Variants in MBD2 observed in about 807,000 individuals in gnomAD.
The protein encoded by MBD2 is methyl-CpG-binding domain protein 2.
A neutral mutation model predicts 39.3 loss-of-function variants in MBD2; 9 were observed. The ratio of observed to expected loss-of-function variants is 0.23; its 90% CI spans 0.14 to 0.40. MBD2 has a LOEUF of 0.40. Among genes scored for constraint, MBD2 ranks in the 10% least tolerant of loss-of-function variants. The pLI is 1.00. For missense variants in MBD2, 458 were observed against 532.6 expected, an observed-to-expected ratio of 0.86 and a Z score of 1.38; for synonymous variants, 233 against 211.1, an observed-to-expected ratio of 1.10 and a Z score of -0.90.
chr18:54,214,781 C>T (rs549592583), intron 1 of MBD2, among the ~76,000 whole-genome samples: 5 of 150,184 alleles, frequency 3.3e-5, no homozygotes, highest in African/African-American at 4.9e-5. Flanking sequence ...GCTCTGTCGC[C>T]GAGGCTGGAG....
At chr18:54,220,989 G>T (rs2086606854) in intron 1 of MBD2, among the ~76,000 whole-genome samples, 1 of 152,158 alleles carries the variant, frequency 6.6e-6, no homozygotes, top group African/African-American at 2.4e-5. Context: ...GGCCCTGAAT[G>T]AAACAGGTTT....
Position 54,224,255 on chromosome 18 carries a change from C to G in MBD2, c.305G>C (p.Ser102Thr), listed in dbSNP as rs1398014663. The G allele has an allele frequency of 2.5e-4, 246 of 972,380 alleles. No homozygotes were observed. Among genetic ancestry groups the G allele is most frequent in the Non-Finnish European group, 3.0e-4 (242 of 819,692 alleles). The allele number at this position is 972,380 out of a possible 1,614,324, so 60.2% of individuals were successfully genotyped here. Reference sequence around the variant, plus strand: ...GCCGCCGCCGTCGCCGCCAAGGCCGCTGCCGCCACTCGGGGGACGGCCGCG... The same window carrying G: ...GCCGCCGCCGTCGCCGCCAAGGCCGGTGCCGCCACTCGGGGGACGGCCGCG... Reference protein sequence around the residue: ...RGRGRPPSGGSGLGGDGGGCG... With the variant: ...RGRGRPPSGGTGLGGDGGGCG... The change falls in exon 1 of 7, where the codon AGC becomes ACC. Residue 102 changes from serine to threonine, a missense_variant. By Grantham distance (58) the Ser-to-Thr change is moderately conservative. Coordinates refer to ENST00000256429, the MANE Select transcript of MBD2 (RefSeq NM_003927.5).
At chr18:54,160,975 GA>G (rs35601988) in intron 5 of MBD2, among the ~76,000 whole-genome samples, 260 of 147,402 alleles carry the variant, frequency 1.8e-3, no homozygotes, top group African/African-American at 6.1e-3. Flanking sequence ...GGGTTCTACT[GA>G]AAAAAAAAAA....
At chr18:54,202,901 G>T in intron 2 of MBD2, 1 of 1,140,884 alleles carries the variant, frequency 8.8e-7, no homozygotes, top group Non-Finnish European at 1.3e-6. Flanking sequence ...AAGCATTATG[G>T]AGGAAAGGAT....
chr18:54,168,572 C>CATATATATATATATATATAT lies in MBD2; in HGVS notation c.841-2426_841-2407dup, dbSNP rs56174434. The stretch of plus-strand genomic sequence containing the variant: ...TTGTTATGCCATGAAAATGGAGATA[C>CATATATATATATATATATAT]ATATATATATATATATATATATATA... On this transcript the variant is annotated intron_variant, in intron 3 of 6. Transcript: ENST00000256429. 1.6e-3 allele frequency among the ~76,000 whole-genome samples: 188 copies of CATATATATATATATATATAT among 114,838 alleles called. 4 individuals carry two copies. The highest frequency in any genetic ancestry group is 3.0e-3 in the African/African-American group (80 of 26,406). 75.3% of individuals were successfully genotyped at this position (114,838 alleles called of 152,430 possible).
chr18:54,200,038 T>G (rs1383739750), intron 2 of MBD2, among the ~76,000 whole-genome samples: 3 of 152,166 alleles, frequency 2.0e-5, no homozygotes, highest in African/African-American at 4.8e-5. Context: ...AATCCAAGTG[T>G]GTATTTATAC....
intron 2 of MBD2, among the ~76,000 whole-genome samples, chr18:54,203,768 G>A (rs1357333053): frequency 6.6e-6 from 1 of 152,154 alleles, no homozygotes; most frequent in Admixed American, 6.5e-5. Flanking sequence ...AGTTTCCAAT[G>A]CAGGCCACCA....
At chr18:54,158,963 A>G (rs1388029754) in intron 6 of MBD2, among the ~76,000 whole-genome samples, 1 of 152,176 alleles carries the variant, frequency 6.6e-6, no homozygotes, top group Non-Finnish European at 1.5e-5. Flanking sequence ...AGTATTTATT[A>G]TACTTTTTAG....
intron 2 of MBD2, among the ~76,000 whole-genome samples, chr18:54,193,798 G>A (rs1042567808): frequency 3.9e-5 from 6 of 152,096 alleles, no homozygotes; most frequent in South Asian, 2.1e-4. Flanking sequence ...AAAGGAGGAC[G>A]CATACCAAGT....
At chr18:54,207,309 C>T (rs1052513113) in intron 1 of MBD2, among the ~76,000 whole-genome samples, 2 of 152,156 alleles carry the variant, frequency 1.3e-5, no homozygotes, top group Non-Finnish European at 2.9e-5. Context: ...CTATTAAATC[C>T]TCCAAGCCCA....
chr18:54,163,188 C>A (rs1335743226), intron 5 of MBD2, among the ~76,000 whole-genome samples: 1 of 152,168 alleles, frequency 6.6e-6, no homozygotes, highest in Non-Finnish European at 1.5e-5. Context: ...AGGAGAATTG[C>A]TTGAACCCGG....
chr18:54,181,055 G>C (rs903399760), intron 3 of MBD2, among the ~76,000 whole-genome samples: 2 of 151,704 alleles, frequency 1.3e-5, no homozygotes, highest in East Asian at 3.9e-4. Context: ...CACCATGCTC[G>C]GCTAATTTTT....
In MBD2 at chr18:54,224,207, C is replaced by T. The variant is rs1599118444; in HGVS notation, c.353G>A (p.Gly118Asp). ...GGGCGGGGSG[G>D]GGAPRREPVP... is the part of the protein sequence containing the mutation. ...CGGCTCCCGCCGGGGGGCGCCGCCG[C>T]CACCGCTGCCGCCGCCGCCGCAGCC... is the stretch of plus-strand genomic sequence containing the variant. Residue 118 changes from glycine to aspartate, a missense_variant, in exon 1 of 7, where the codon GGC becomes GAC. By Grantham distance (94) the Gly-to-Asp change is moderately conservative (BLOSUM62 -1). Coordinates refer to ENST00000256429, the MANE Select transcript of MBD2 (RefSeq NM_003927.5). 8.5e-7 allele frequency: 1 copy of T among 1,174,570 alleles called. No individual in the cohort carries two copies. Among genetic ancestry groups the T allele is most frequent in the Non-Finnish European group, 1.0e-6 (1 of 952,924 alleles). The allele number at this position is 1,174,570 out of a possible 1,614,324, so 72.8% of individuals were successfully genotyped here.
At chr18:54,164,446 A>T in intron 5 of MBD2, 77 bp downstream of exon 5, 2 of 1,329,064 alleles carry the variant, frequency 1.5e-6, no homozygotes, top group South Asian at 2.6e-5. Flanking sequence ...TAGATATGCC[A>T]CTGAACCTAA....
intron 2 of MBD2, among the ~76,000 whole-genome samples, chr18:54,197,420 CATG>C (rs530105987): frequency 2.6e-5 from 4 of 152,228 alleles, no homozygotes; most frequent in Admixed American, 6.5e-5. Context: ...TTTGTCTTCA[CATG>C]ATGAGTGCAT....
At chr18:54,161,391 GT>G (rs2144278003) in intron 5 of MBD2, among the ~76,000 whole-genome samples, 1 of 152,296 alleles carries the variant, frequency 6.6e-6, no homozygotes, top group South Asian at 2.1e-4. Flanking sequence ...AGATTTTCAT[GT>G]CATGGGGCAG....
At chr18:54,182,932 C>CAA (rs113293437) in intron 3 of MBD2, among the ~76,000 whole-genome samples, 1 of 133,182 alleles carries the variant, frequency 7.5e-6, no homozygotes. Flanking sequence ...TCCCTGTCTC[C>CAA]AAAAAAAAAA....
intron 1 of MBD2, 59 bp from the exon 2 acceptor site, chr18:54,205,216 T>A: frequency 7.1e-7 from 1 of 1,409,770 alleles, no homozygotes; most frequent in Non-Finnish European, 9.8e-7. Flanking sequence ...ATAAGCCTTT[T>A]CTTCATGTCT....
At chr18:54,162,995 G>A (rs1437310581) in intron 5 of MBD2, among the ~76,000 whole-genome samples, 1 of 152,080 alleles carries the variant, frequency 6.6e-6, no homozygotes, top group Non-Finnish European at 1.5e-5. Context: ...GCTGGGCGTG[G>A]TGGCTCACAC....
Sources: allele counts gnomAD v4.1 joint callset (sites outside exome capture counted in the v4.1 genomes callset), GRCh38; gene constraint gnomAD v4.1.1; transcripts MANE v1.5; gene names NCBI Gene and HGNC (gene_info 2026-07-23, HGNC 2026-07-21).